ELP3: variants seen among roughly 807,000 people sequenced by gnomAD.
ELP3 encodes the protein elongator complex protein 3.
A neutral mutation model predicts 74.9 loss-of-function variants in ELP3; 56 were observed. That is an observed-to-expected ratio of 0.75 (90% CI 0.60 to 0.93). The LOEUF is 0.93. Ranked by LOEUF, ELP3 falls within the 40% of genes least tolerant of loss-of-function variation. ELP3 has a pLI of 0.00. For synonymous variants in ELP3, 222 were observed against 239.8 expected (o/e 0.93, Z 0.68); for missense variants, 573 against 686.5 (o/e 0.83, Z 1.85).
At chr8:28,171,157 C>T (rs1036150351) in intron 14 of ELP3, among the ~76,000 whole-genome samples, 1 of 152,138 alleles carries the variant, frequency 6.6e-6, no homozygotes. Flanking sequence ...GTACAAATAC[C>T]TGTTTGAGTT....
At chr8:28,090,908 T>C (rs1039534481), upstream of ELP3, among the ~76,000 whole-genome samples, 15 of 146,520 alleles carry the variant, frequency 1.0e-4, no homozygotes, top group African/African-American at 3.8e-4. Context: ...TGTTTCCTTT[T>C]TTTTTTTTTT....
intron 6 of ELP3, among the ~76,000 whole-genome samples, chr8:28,112,321 C>T (rs1052158324): frequency 3.9e-5 from 6 of 151,976 alleles, no homozygotes; most frequent in African/African-American, 9.6e-5. Context: ...TTAGTAGAGA[C>T]GGGGTTTCAC....
intron 14 of ELP3, among the ~76,000 whole-genome samples, chr8:28,177,273 G>A (rs1049705824): frequency 5.9e-5 from 9 of 152,112 alleles, no homozygotes; most frequent in East Asian, 1.9e-4. Context: ...GTTTAGGGTC[G>A]TGTAGTTAAT....
In ELP3 at chr8:28,147,949, C is replaced by CA. The variant is rs775915500; in HGVS notation, c.1101-7991dup. Among the ~76,000 whole-genome samples, 92 of 152,026 alleles carry CA rather than the reference C, an allele frequency of 6.1e-4. 1 individual carries two copies. The highest frequency in any genetic ancestry group is 1.2e-3 in the South Asian group (6 of 4,814). ...CCCACTGGCAAAAATCTAATGTCAG[C>CA]AACAAAATAAATAATGTTAATATTA... is the stretch of plus-strand genomic sequence containing the variant. On this transcript the variant is annotated intron_variant, in intron 10 of 14. Transcript: ENST00000256398. This position sits in a 1 kb window ranked among gnomAD's most constrained non-coding sequence, Gnocchi z 4.5.
upstream of ELP3, chr8:28,092,944 G>C: frequency 3.3e-6 from 2 of 600,588 alleles, no homozygotes; most frequent in African/African-American, 3.7e-5. Context: ...CTAACCCCAA[G>C]ATGCCACTCC....
chr8:28,156,134 T>C (rs1219825319), intron 11 of ELP3, 102 bp downstream of exon 11: 2 of 924,104 alleles, frequency 2.2e-6, no homozygotes, highest in Non-Finnish European at 3.4e-6. Context: ...GACTTGCGGG[T>C]CAGGTCAGAA....
chr8:28,124,468 A>G (rs1812497006), intron 7 of ELP3, among the ~76,000 whole-genome samples: 1 of 152,220 alleles, frequency 6.6e-6, no homozygotes, highest in Admixed American at 6.5e-5. Flanking sequence ...CTTTCTAATG[A>G]AGAGAATTTT....
intron 13 of ELP3, among the ~76,000 whole-genome samples, chr8:28,161,479 T>G (rs1179773419): frequency 1.3e-5 from 2 of 151,808 alleles, no homozygotes; most frequent in African/African-American, 4.8e-5. Flanking sequence ...GAGGCTGAGA[T>G]AGGAGAATCA....
upstream of ELP3, chr8:28,090,421 G>C: frequency 3.3e-6 from 1 of 302,848 alleles, no homozygotes; most frequent in South Asian, 3.1e-5. Flanking sequence ...TAGTGTCCAA[G>C]TCTGGAACCC....
chr8:28,152,555 C>T (rs1813681771), intron 10 of ELP3, among the ~76,000 whole-genome samples: 1 of 152,170 alleles, frequency 6.6e-6, no homozygotes, highest in Non-Finnish European at 1.5e-5. Flanking sequence ...CCTGTAATCC[C>T]AGCACTTTGG....
At chr8:28,090,482 GGT>G (rs34145175), upstream of ELP3, 2,425 of 159,728 alleles carry the variant, frequency 0.015, 3 homozygotes, top group South Asian at 0.037. Flanking sequence ...CTGATGGGTG[GGT>G]GTGTGTGTGT....
At chr8:28,160,943 C>T (rs1467851879) in intron 13 of ELP3, among the ~76,000 whole-genome samples, 1 of 152,194 alleles carries the variant, frequency 6.6e-6, no homozygotes, top group African/African-American at 2.4e-5. Context: ...GATCCACCCA[C>T]CTTGGCCTCC....
At position 28,110,422 on chromosome 8, in the gene ELP3, G is replaced by C; in HGVS notation, c.446G>C (p.Arg149Thr). 2 of 1,613,480 alleles carry C rather than the reference G, an allele frequency of 1.2e-6. No homozygotes were observed. The highest frequency in any genetic ancestry group is 1.7e-6 in the Non-Finnish European group (2 of 1,179,762). ...AGATATGACCCTTTCCTACAGACAA[G>C]ACACCGAATAGAACAGGTACATTTT... is the stretch of plus-strand genomic sequence containing the variant. ...RARYDPFLQT[R>T]HRIEQLKQLG... The change falls in exon 6 of 15, where the codon AGA becomes ACA. Residue 149 changes from arginine (R) to threonine (T), a missense_variant. Transcript: ENST00000256398.
At chr8:28,134,875 T>C (rs1333541861) in intron 9 of ELP3, among the ~76,000 whole-genome samples, 1 of 152,208 alleles carries the variant, frequency 6.6e-6, no homozygotes, top group East Asian at 1.9e-4. Flanking sequence ...GTTGGCCCCT[T>C]AATGTACTTG....
intron 12 of ELP3, among the ~76,000 whole-genome samples, chr8:28,159,785 C>G (rs1436246686): frequency 2.0e-5 from 3 of 152,128 alleles, no homozygotes; most frequent in African/African-American, 7.2e-5. Context: ...TTTTTCTTCC[C>G]CAAAGATAGG....
chr8:28,160,508 A>G (rs1245839978), intron 13 of ELP3, 52 bp downstream of exon 13: 11 of 1,502,890 alleles, frequency 7.3e-6, no homozygotes, highest in Non-Finnish European at 1.0e-5. Flanking sequence ...CTAAGTAGGA[A>G]AAGAGAAAAG....
chr8:28,109,287 C>T (rs941440795), intron 5 of ELP3, among the ~76,000 whole-genome samples: 2 of 152,184 alleles, frequency 1.3e-5, no homozygotes, highest in Admixed American at 6.5e-5. Context: ...CTCCTCAGAA[C>T]ACCTCAGAAG....
At chr8:28,126,597 T>C (rs1021160508) in intron 7 of ELP3, among the ~76,000 whole-genome samples, 1 of 152,158 alleles carries the variant, frequency 6.6e-6, no homozygotes, top group African/African-American at 2.4e-5. Context: ...GAAGAACTTG[T>C]AGCCCCCAAA....
rs534633298 is a variant in ELP3, at chr8:28,157,478, G to A, written c.1192-1090G>A. ...CAGTTTTTGTTTACTGGAATTCATG[G>A]ACTCTACATCAGCAAAGCATTGTCT... On this transcript the variant is annotated intron_variant, in intron 11 of 14. Transcript: ENST00000256398. Among the ~76,000 whole-genome samples, 10 of 152,230 alleles carry A rather than the reference G, an allele frequency of 6.6e-5. No individual in the cohort carries two copies. In the East Asian group the frequency reaches 1.7e-3, roughly 26 times the overall value.
Sources: gnomAD v4.1 joint callset for allele counts (sites outside exome capture counted in the v4.1 genomes callset) on GRCh38, gnomAD v4.1.1 for gene constraint, Gnocchi (gnomAD v3.1) non-coding constraint, MANE v1.5 for transcripts, NCBI Gene and HGNC (gene_info 2026-07-23, HGNC 2026-07-21) for gene names.